The following PDGFB variants were observed in gnomAD, a reference collection of about 807,000 sequenced individuals.
PDGFB encodes platelet-derived growth factor subunit B.
Under a neutral mutation model 29.0 loss-of-function variants are expected in PDGFB, and 6 were observed. The ratio of observed to expected loss-of-function variants is 0.21; its 90% CI spans 0.11 to 0.41. PDGFB has a LOEUF of 0.41. Ranked by LOEUF, PDGFB falls within the 10% of genes least tolerant of loss-of-function variation. The pLI, the probability that PDGFB is intolerant of heterozygous loss-of-function variation, is 1.00. For synonymous variants in PDGFB, 144 were observed against 140.8 expected (o/e 1.02, Z -0.16); for missense variants, 299 against 341.8 (o/e 0.87, Z 0.99).
Position 39,230,127 on chromosome 22 carries a change from T to C in PDGFB, c.558A>G (p.Ala186=), listed in dbSNP as rs377227741. 4 of 1,613,780 alleles carry C rather than the reference T, an allele frequency of 2.5e-6. No individual in the cohort carries two copies. The highest frequency in any genetic ancestry group is 2.7e-5 in the African/African-American group (2 of 74,948). Residue 186 remains alanine, a synonymous_variant, in exon 5 of 7, where the codon GCA becomes GCG. Coordinates refer to ENST00000331163, the MANE Select transcript of PDGFB (RefSeq NM_002608.4). ...LACKCETVAA[A]RPVTRSPGGS... Reference sequence around the variant, plus strand: ...CCCCCGGGCTTCGGGTCACAGGCCGTGCAGCTGCCACTGTCTCACACTTGC... The same window carrying C: ...CCCCCGGGCTTCGGGTCACAGGCCGCGCAGCTGCCACTGTCTCACACTTGC...
intron 3 of PDGFB, among the ~76,000 whole-genome samples, 182 bp from the exon 4 acceptor site, chr22:39,232,009 A>C (rs1311815355): frequency 3.3e-5 from 5 of 152,096 alleles, no homozygotes; most frequent in African/African-American, 4.8e-5. Flanking sequence ...AGCCACTCTA[A>C]GCCTGTGTTT....
rs1932650182 is a variant in PDGFB, at chr22:39,244,647, G to T, written c.-684C>A. ...GCGTGCCCGCTGCGCGCTCGGCTGG[G>T]CCCGGCCGACAGGTGGACGCGGCGC... On this transcript the variant is annotated 5_prime_UTR_variant, in exon 1 of 7. Transcript: ENST00000331163. The surrounding 1 kb of genome is among the most constrained non-coding windows in gnomAD (Gnocchi z 4.5). 1 of 162,258 alleles carries T rather than the reference G, an allele frequency of 6.2e-6. No individual in the cohort carries two copies. The highest frequency in any genetic ancestry group is 2.0e-4 in the South Asian group (1 of 4,956). The allele number at this position is 162,258 out of a possible 1,614,324, so 10.1% of individuals were successfully genotyped here.
At chr22:39,229,932 A>C in intron 5 of PDGFB, 152 bp downstream of exon 5, 2 of 929,802 alleles carry the variant, frequency 2.2e-6, no homozygotes, top group Non-Finnish European at 3.2e-6. Flanking sequence ...GCCAGGGAGG[A>C]ACCTGGCTTG....
At chr22:39,240,547 G>A (rs1932543001) in intron 1 of PDGFB, among the ~76,000 whole-genome samples, 1 of 152,088 alleles carries the variant, frequency 6.6e-6, no homozygotes, top group African/African-American at 2.4e-5. Flanking sequence ...GGGCTGAAAA[G>A]GGGGGCTGCC....
intron 5 of PDGFB, among the ~76,000 whole-genome samples, chr22:39,228,598 A>G (rs975050311): frequency 3.3e-5 from 5 of 151,176 alleles, no homozygotes; most frequent in Non-Finnish European, 5.9e-5. Context: ...GTCTCTTAAA[A>G]AAGAAAGAGG....
chr22:39,227,376 G>C (rs148746516), intron 5 of PDGFB, among the ~76,000 whole-genome samples: 1 of 152,248 alleles, frequency 6.6e-6, no homozygotes, highest in African/African-American at 2.4e-5. Context: ...TTACAGGCGT[G>C]AGCCACCACG....
chr22:39,239,544 G>A (rs1932520828), intron 1 of PDGFB, among the ~76,000 whole-genome samples: 1 of 152,146 alleles, frequency 6.6e-6, no homozygotes, highest in African/African-American at 2.4e-5. Context: ...TGGTTTTCCT[G>A]GGCACAGGTT....
rs1932607271 is a variant in PDGFB at position 39,243,121 on chromosome 22, G to A, written c.63+780C>T. 4.3e-6 allele frequency: 1 copy of A among 233,178 alleles called. No individual in the cohort carries two copies. The highest frequency in any genetic ancestry group is 6.0e-5 in the East Asian group (1 of 16,568). The allele number at this position is 233,178 out of a possible 1,614,324, so 14.4% of individuals were successfully genotyped here. A position where few individuals can be genotyped will look rare whatever the true frequency, so the allele number is the denominator to read the frequency against. On this transcript the variant is annotated intron_variant, in intron 1 of 6. Transcript: ENST00000331163. The surrounding 1 kb of genome is among the most constrained non-coding windows in gnomAD (Gnocchi z 6.4). ...CCTGCAGGGCGCGGGCACAGGTACG[G>A]CAAGGCCTCAGGCACACAGCGCCCC...
chr22:39,244,165 A>T lies in PDGFB; in HGVS notation c.-202T>A. 1 of 285,238 alleles carries T rather than the reference A, an allele frequency of 3.5e-6. No homozygotes were observed. The highest frequency in any genetic ancestry group is 6.5e-6 in the Non-Finnish European group (1 of 153,798). 17.7% of individuals were successfully genotyped at this position (285,238 alleles called of 1,614,324 possible). On this transcript the variant is annotated 5_prime_UTR_variant, in exon 1 of 7. Transcript: ENST00000331163. This position sits in a 1 kb window ranked among gnomAD's most constrained non-coding sequence, Gnocchi z 4.5. ...GGCCCCGGCTCCGTCGCTGGGGGGC[A>T]GGGGAGGACCTGGGCGCAGGACCTG...
chr22:39,225,681 C>A lies in PDGFB; in HGVS notation c.*28+14G>T. ...ACAGGATTCTGGGCCTCAGTTGCCC[C>A]GCCTGGCCCTCACCTGCCCACACAC... On this transcript the variant is annotated intron_variant, in intron 6 of 6. Transcript: ENST00000331163. The A allele has an allele frequency of 6.3e-7, 1 of 1,596,232 alleles. No individual in the cohort carries two copies. The highest frequency in any genetic ancestry group is 1.1e-5 in the South Asian group (1 of 90,310).
chr22:39,238,740 C>A (rs1436409400), intron 1 of PDGFB, among the ~76,000 whole-genome samples: 1 of 152,260 alleles, frequency 6.6e-6, no homozygotes, highest in African/African-American at 2.4e-5. Flanking sequence ...CAGCATCACA[C>A]AAGGTTCGTG....
At chr22:39,225,577 G>T in intron 6 of PDGFB, 118 bp downstream of exon 6, 1 of 1,016,064 alleles carries the variant, frequency 9.8e-7, no homozygotes, top group Non-Finnish European at 1.4e-6. Flanking sequence ...TGGACAGGGA[G>T]GACCAAGGCT....
intron 1 of PDGFB, among the ~76,000 whole-genome samples, chr22:39,236,936 T>A (rs1932458418): frequency 1.3e-5 from 2 of 152,154 alleles, no homozygotes; most frequent in Admixed American, 1.3e-4. Flanking sequence ...ATCAATAGGC[T>A]TGGCACATTA....
intron 2 of PDGFB, among the ~76,000 whole-genome samples, chr22:39,235,037 G>A (rs2146445486): frequency 6.6e-6 from 1 of 152,314 alleles, no homozygotes; most frequent in East Asian, 1.9e-4. Flanking sequence ...GGGATTGAAA[G>A]GGCCCGGGAA....
chr22:39,234,525 A>G (rs1469262908), intron 2 of PDGFB, among the ~76,000 whole-genome samples: 1 of 152,182 alleles, frequency 6.6e-6, no homozygotes, highest in Non-Finnish European at 1.5e-5. Flanking sequence ...CACTGGCCCC[A>G]TCCAAGACAA....
chr22:39,231,305 G>A lies in PDGFB; in HGVS notation c.456+317C>T, dbSNP rs923653180. On this transcript the variant is annotated intron_variant, in intron 4 of 6. Transcript: ENST00000331163. This position sits in a 1 kb window ranked among gnomAD's most constrained non-coding sequence, Gnocchi z 4.3. ...TACGGCTCTTCAAGGGACGTTTTGC[G>A]ATTTTGTCCTTGTAAAGGAGGTGAC... Among the ~76,000 whole-genome samples, 9 of 152,188 alleles carry A rather than the reference G, an allele frequency of 5.9e-5. No homozygotes were observed. The highest frequency in any genetic ancestry group is 9.7e-5 in the African/African-American group (4 of 41,442).
intron 1 of PDGFB, among the ~76,000 whole-genome samples, chr22:39,238,706 CTGTG>C (rs1432210987): frequency 6.6e-6 from 1 of 152,258 alleles, no homozygotes; most frequent in Non-Finnish European, 1.5e-5. Context: ...CCTCCCTCTC[CTGTG>C]TTCTAAGGCC....
At chr22:39,226,981 T>C (rs4990920) in intron 5 of PDGFB, among the ~76,000 whole-genome samples, 112,011 of 152,168 alleles carry the variant, frequency 0.74, 41,881 homozygotes, top group East Asian at 0.88. Context: ...GTTTTTAAGA[T>C]GGAGGCTCAC....
At chr22:39,228,619 T>C (rs1388962316) in intron 5 of PDGFB, among the ~76,000 whole-genome samples, 1 of 151,164 alleles carries the variant, frequency 6.6e-6, no homozygotes, top group African/African-American at 2.4e-5. Flanking sequence ...CTGGGCGTGG[T>C]GGCTCACGCC....
Sources: gnomAD v4.1 joint callset for allele counts (sites outside exome capture counted in the v4.1 genomes callset) on GRCh38, gnomAD v4.1.1 for gene constraint, Gnocchi (gnomAD v3.1) non-coding constraint, MANE v1.5 for transcripts, NCBI Gene and HGNC (gene_info 2026-07-23, HGNC 2026-07-21) for gene names.